CCDC63: variants seen among roughly 807,000 people sequenced by gnomAD.
CCDC63 encodes coiled-coil domain-containing protein 63.
Under a neutral mutation model 63.6 loss-of-function variants are expected in CCDC63, and 54 were observed. The ratio of observed to expected loss-of-function variants is 0.85; its 90% CI spans 0.68 to 1.07. CCDC63 has a LOEUF of 1.07. CCDC63 is among the 50% of genes least tolerant of loss of function. CCDC63 has a pLI of 0.00. For missense variants in CCDC63, 637 were observed against 689.6 expected (o/e 0.92, Z 0.86); for synonymous variants, 253 against 266.1 (o/e 0.95, Z 0.48).
chr12:110,895,603 A>G (rs958246371), intron 9 of CCDC63, among the ~76,000 whole-genome samples: 1 of 152,206 alleles, frequency 6.6e-6, no homozygotes, highest in African/African-American at 2.4e-5. Context: ...GAGCCTGGCT[A>G]TGACTTGCAG....
At chr12:110,875,706 CT>C (rs1305583857) in intron 5 of CCDC63, among the ~76,000 whole-genome samples, 1 of 152,120 alleles carries the variant, frequency 6.6e-6, no homozygotes, top group Non-Finnish European at 1.5e-5. Flanking sequence ...AGTAATGCTC[CT>C]TTTTATATTT....
In CCDC63 at chr12:110,881,208, C is replaced by T; in HGVS notation, c.765C>T (p.Leu255=). 1 of 1,613,840 alleles carries T rather than the reference C, an allele frequency of 6.2e-7. No individual in the cohort carries two copies. The highest frequency in any genetic ancestry group is 8.5e-7 in the Non-Finnish European group (1 of 1,179,972). Residue 255 remains leucine, a synonymous_variant, in exon 7 of 12, where the codon CTC becomes CTT. Coordinates refer to ENST00000308208, the MANE Select transcript of CCDC63 (RefSeq NM_152591.3). ...TGGAGATCCGAGAGCTGGAGCGTCT[C>T]TATGCCCATGAGAGCAAGCTCAAGT... is the stretch of plus-strand genomic sequence containing the variant. ...YNLEIRELER[L]YAHESKLKSF... is the part of the protein sequence containing the mutation.
At chr12:110,867,874 A>C (rs1422052555) in intron 4 of CCDC63, among the ~76,000 whole-genome samples, 1 of 150,582 alleles carries the variant, frequency 6.6e-6, no homozygotes, top group Non-Finnish European at 1.5e-5. Context: ...TGCCAGGTGG[A>C]GACGCTCCTC....
rs367549854 is a variant in CCDC63, at chr12:110,878,449, G to A, written c.490-1457G>A. On this transcript the variant is annotated intron_variant, in intron 5 of 11. Coordinates refer to ENST00000308208, the MANE Select transcript of CCDC63 (RefSeq NM_152591.3). The stretch of plus-strand genomic sequence containing the variant: ...CTTGCCTCAGCCTCCTGAGTAGCTG[G>A]GATTACAGACACCTGCCATCATGCC... Among the ~76,000 whole-genome samples, 7 of 152,100 alleles carry A rather than the reference G, an allele frequency of 4.6e-5. No individual in the cohort carries two copies. The East Asian group carries it at 1.4e-3, about 29-fold the overall frequency.
chr12:110,889,634 G>A lies in CCDC63; in HGVS notation c.1075-3442G>A, dbSNP rs1355822816. Among the ~76,000 whole-genome samples, 1 of 152,170 alleles carries A rather than the reference G, an allele frequency of 6.6e-6. No individual in the cohort carries two copies. The highest frequency in any genetic ancestry group is 2.4e-5 in the African/African-American group (1 of 41,442). Reference sequence around the variant, plus strand: ...ATGAATCTGGGAGGTGAGGGCTGCTGGGCACATTTCCAGAAGAGGTTTTGG... The same window carrying A: ...ATGAATCTGGGAGGTGAGGGCTGCTAGGCACATTTCCAGAAGAGGTTTTGG... On this transcript the variant is annotated intron_variant, in intron 8 of 11. Coordinates refer to ENST00000308208, the MANE Select transcript of CCDC63 (RefSeq NM_152591.3). This position sits in a 1 kb window ranked among gnomAD's most constrained non-coding sequence, Gnocchi z 4.1.
At chr12:110,878,176 G>GCA (rs140112603) in intron 5 of CCDC63, among the ~76,000 whole-genome samples, 2 of 151,692 alleles carry the variant, frequency 1.3e-5, no homozygotes, top group African/African-American at 2.4e-5. Flanking sequence ...GTATATATAT[G>GCA]CACACACACA....
In CCDC63 at chr12:110,899,066, T is replaced by C. The variant is rs898784079; in HGVS notation, c.1283T>C (p.Ile428Thr). 6.2e-7 allele frequency: 1 copy of C among 1,613,940 alleles called. No homozygotes were observed. The highest frequency in any genetic ancestry group is 1.3e-5 in the African/African-American group (1 of 75,040). ...FKKINCDATK[I>T]LVQLGETGKV... ...AAGATAAACTGTGACGCCACCAAGA[T>C]CCTGGTGCAGTTAGGGGAGACGGGG... Residue 428 changes from isoleucine to threonine, a missense_variant, in exon 10 of 12, where the codon ATC becomes ACC. Ile to Thr is a moderately conservative substitution (Grantham distance 89, BLOSUM62 -1). Transcript: ENST00000308208.
chr12:110,879,992 T>A lies in CCDC63; in HGVS notation c.576T>A (p.Tyr192Ter). ...IEDLRFEKAA[Y>*]DNVYQQLQHC... ...ACCTACGATTTGAGAAGGCTGCTTA[T>A]GACAATGTCTACCAGCAGCTCCAGC... Residue 192 changes from tyrosine to a stop codon, truncating the protein, a stop_gained, in exon 6 of 12, where the codon TAT (tyrosine) becomes TAA (stop). Transcript: ENST00000308208. LOFTEE classifies it high-confidence loss of function. The A allele has an allele frequency of 6.2e-7, 1 of 1,614,226 alleles. No homozygotes were observed.
At position 110,884,214 on chromosome 12, in the gene CCDC63, C is replaced by T. The variant is rs776488773; in HGVS notation, c.1038C>T (p.Asp346=). The T allele has an allele frequency of 6.2e-7, 1 of 1,614,052 alleles. No homozygotes were observed. The highest frequency in any genetic ancestry group is 8.5e-7 in the Non-Finnish European group (1 of 1,179,990). Residue 346 remains aspartate (D), a synonymous_variant, in exon 8 of 12, where the codon GAC becomes GAT. Coordinates refer to ENST00000308208, the MANE Select transcript of CCDC63 (RefSeq NM_152591.3). ...CGTATGTCACGGAGCTCAACAACGACATGGAGATGATGCACAAGAGGACCC... is the reference window on the plus strand; with the variant it reads ...CGTATGTCACGGAGCTCAACAACGATATGGAGATGATGCACAAGAGGACCC... ...RFTYVTELNN[D]MEMMHKRTQR...
At chr12:110,861,146 A>G (rs956322283) in intron 4 of CCDC63, among the ~76,000 whole-genome samples, 1 of 151,936 alleles carries the variant, frequency 6.6e-6, no homozygotes, top group African/African-American at 2.4e-5. Context: ...ATGGTGCCAA[A>G]CCATTCATGA....
Position 110,884,224 on chromosome 12 carries a change from A to G in CCDC63, c.1048A>G (p.Met350Val). ...VTELNNDMEM[M>V]HKRTQRIQDE... ...GGAGCTCAACAACGACATGGAGATG[A>G]TGCACAAGAGGACCCAACGAATCCA... Residue 350 changes from methionine to valine, a missense_variant, in exon 8 of 12, where the codon ATG becomes GTG. Met to Val is a conservative substitution (Grantham distance 21, BLOSUM62 1). Transcript: ENST00000308208. The G allele has an allele frequency of 6.2e-7, 1 of 1,614,148 alleles. No individual in the cohort carries two copies. Among genetic ancestry groups the G allele is most frequent in the South Asian group, 1.1e-5 (1 of 91,076 alleles).
chr12:110,904,767 C>A lies in CCDC63; in HGVS notation c.1522C>A (p.Pro508Thr). 1 of 1,611,624 alleles carries A rather than the reference C, an allele frequency of 6.2e-7. No individual in the cohort carries two copies. Among genetic ancestry groups the A allele is most frequent in the Non-Finnish European group, 8.5e-7 (1 of 1,179,230 alleles). Residue 508 changes from proline to threonine, a missense_variant, in exon 11 of 12, where the codon CCC (proline) becomes ACC (threonine). Transcript: ENST00000308208. ...CATCCCCCCAGTGCTGGGGGCTGACCCCTTCAGCGACAGGTTGGATGATGG... is the reference window on the plus strand; with the variant it reads ...CATCCCCCCAGTGCTGGGGGCTGACACCTTCAGCGACAGGTTGGATGATGG... ...KVIPPVLGAD[P>T]FSDRLDDVEQ...
intron 4 of CCDC63, among the ~76,000 whole-genome samples, chr12:110,873,388 C>T (rs903900724): frequency 1.3e-5 from 2 of 152,198 alleles, no homozygotes; most frequent in African/African-American, 4.8e-5. Context: ...TGTGACCTCT[C>T]GTGACCCACC....
At chr12:110,864,355 C>G (rs1337521624) in intron 4 of CCDC63, among the ~76,000 whole-genome samples, 1 of 151,512 alleles carries the variant, frequency 6.6e-6, no homozygotes, top group Admixed American at 6.6e-5. Context: ...ACTGGGGAGG[C>G]TGAAGCAGGA....
At chr12:110,894,372 C>A (rs1177023148) in intron 9 of CCDC63, among the ~76,000 whole-genome samples, 4 of 152,166 alleles carry the variant, frequency 2.6e-5, no homozygotes, top group Non-Finnish European at 4.4e-5. Flanking sequence ...TAAATACAAT[C>A]AGAGTTTTGT....
At chr12:110,868,428 C>T (rs908192803) in intron 4 of CCDC63, among the ~76,000 whole-genome samples, 2 of 150,692 alleles carry the variant, frequency 1.3e-5, no homozygotes, top group Non-Finnish European at 3.0e-5. Context: ...CCACTGCACT[C>T]CAGTCTGGGC....
chr12:110,859,896 T>A (rs980586869), intron 4 of CCDC63, among the ~76,000 whole-genome samples: 11 of 151,784 alleles, frequency 7.2e-5, no homozygotes, highest in Admixed American at 5.9e-4. Context: ...TTGCTTATGC[T>A]CCCCCACTCC....
At chr12:110,886,242 C>T (rs2071277007) in intron 8 of CCDC63, among the ~76,000 whole-genome samples, 1 of 152,072 alleles carries the variant, frequency 6.6e-6, no homozygotes, top group Non-Finnish European at 1.5e-5. Context: ...CAAAAATGAG[C>T]TGGGCATAGT....
At chr12:110,905,893 A>G in intron 11 of CCDC63, among the ~76,000 whole-genome samples, 1 of 67,162 alleles carries the variant, frequency 1.5e-5, no homozygotes, top group African/African-American at 5.8e-5. Flanking sequence ...TATATATAAT[A>G]TTATATATAA....
Sources: allele counts gnomAD v4.1 joint callset (sites outside exome capture counted in the v4.1 genomes callset), GRCh38; gene constraint gnomAD v4.1.1; non-coding constraint Gnocchi (gnomAD v3.1); transcripts MANE v1.5; gene names NCBI Gene and HGNC (gene_info 2026-07-23, HGNC 2026-07-21).